Variants in TRPC3 observed in about 807,000 individuals in gnomAD.
TRPC3 encodes short transient receptor potential channel 3.
TRPC3 carries 54 observed loss-of-function variants against 90.9 expected under a neutral mutation model. The observed-to-expected ratio is 0.59, with a 90% CI of 0.48 to 0.75. The LOEUF (loss-of-function observed/expected upper bound fraction) is 0.75, where lower values mean the gene tolerates loss of function less well. Among genes scored for constraint, TRPC3 ranks in the 30% least tolerant of loss-of-function variants. TRPC3 has a pLI of 0.00. For missense variants in TRPC3, 918 were observed against 1,194.5 expected, an observed-to-expected ratio of 0.77 and a Z score of 3.41; for synonymous variants, 424 against 450.9, an observed-to-expected ratio of 0.94 and a Z score of 0.75.
At chr4:121,899,488 C>T in intron 10 of TRPC3, 124 bp downstream of exon 10, 2 of 666,492 alleles carry the variant, frequency 3.0e-6, no homozygotes, top group Non-Finnish European at 2.4e-6. Context: ...TTGTTCTGAA[C>T]TATCCTCATG....
intron 4 of TRPC3, among the ~76,000 whole-genome samples, chr4:121,913,715 A>G (rs1459293841): frequency 6.6e-6 from 1 of 152,158 alleles, no homozygotes; most frequent in African/African-American, 2.4e-5. Flanking sequence ...GTATTTGAAG[A>G]ATCTTAAAGT....
chr4:121,931,556 T>A (rs112695120), intron 2 of TRPC3, among the ~76,000 whole-genome samples: 130 of 97,212 alleles, frequency 1.3e-3, no homozygotes, highest in African/African-American at 5.1e-3. Flanking sequence ...AAAGTTCACT[T>A]ATTAAAAAAA....
At position 121,941,703 on chromosome 4, in the gene TRPC3, C is replaced by T. The variant is rs182587971; in HGVS notation, c.216-8661G>A. 3.3e-3 allele frequency among the ~76,000 whole-genome samples: 497 copies of T among 152,308 alleles called. 15 individuals carry two copies. Among genetic ancestry groups the T allele is most frequent in the Admixed American group, 0.026 (397 of 15,300 alleles). On this transcript the variant is annotated intron_variant, in intron 1 of 11. Transcript: ENST00000379645. ...GGCACCTGTCAGTCAATGTGGCTAC[C>T]TCTGGAGACATCTGACATTTACACA... is the stretch of plus-strand genomic sequence containing the variant.
In TRPC3 at chr4:121,951,205, G is replaced by C. The variant is rs1472296870; in HGVS notation, c.215+261C>G. On this transcript the variant is annotated intron_variant, in intron 1 of 11. Coordinates refer to ENST00000379645, the MANE Select transcript of TRPC3 (RefSeq NM_001130698.2). This position sits in a 1 kb window ranked among gnomAD's most constrained non-coding sequence, Gnocchi z 4.4. ...CTGAAGTCAGTGTGCCCGCCTGCGG[G>C]CTGTTCCGTGTGCTTGAGCCTGGAC... is the stretch of plus-strand genomic sequence containing the variant. 6.6e-6 allele frequency among the ~76,000 whole-genome samples: 1 copy of C among 152,178 alleles called. No homozygotes were observed. The highest frequency in any genetic ancestry group is 2.4e-5 in the African/African-American group (1 of 41,452).
At chr4:121,890,156 T>G (rs1728274294) in intron 10 of TRPC3, among the ~76,000 whole-genome samples, 1 of 152,012 alleles carries the variant, frequency 6.6e-6, no homozygotes, top group Non-Finnish European at 1.5e-5. Flanking sequence ...CTACCAGAAG[T>G]TGGAGAGGGC....
chr4:121,907,373 C>CA lies in TRPC3; in HGVS notation c.1986dup (p.Ala663CysfsTer17). On this transcript the variant is annotated frameshift_variant, in exon 7 of 12. Coordinates refer to ENST00000379645, the MANE Select transcript of TRPC3 (RefSeq NM_001130698.2). LOFTEE classifies it high-confidence loss of function. ...AGTATGAACATGCCAATCATAAAGG[C>CA]AAAAAACACCATAATAAAGAGGACC... 1 of 1,613,232 alleles carries CA rather than the reference C, an allele frequency of 6.2e-7. No individual in the cohort carries two copies. Among genetic ancestry groups the CA allele is most frequent in the South Asian group, 1.1e-5 (1 of 91,044 alleles).
intron 10 of TRPC3, among the ~76,000 whole-genome samples, chr4:121,891,538 C>A (rs1728329502): frequency 6.6e-6 from 1 of 152,128 alleles, no homozygotes; most frequent in African/African-American, 2.4e-5. Flanking sequence ...TTATTTTGAG[C>A]TAAAGGCAAT....
At chr4:121,915,665 C>G (rs1729284698) in intron 3 of TRPC3, among the ~76,000 whole-genome samples, 1 of 152,232 alleles carries the variant, frequency 6.6e-6, no homozygotes, top group South Asian at 2.1e-4. Context: ...GAAAAATGAG[C>G]AAATTATACT....
intron 6 of TRPC3, 28 bp downstream of exon 6, chr4:121,910,126 C>T (rs1507993): frequency 0.34 from 546,486 of 1,595,502 alleles, 95,115 homozygotes; most frequent in East Asian, 0.48. Flanking sequence ...TCCCAAAACA[C>T]AAGGGGACCC....
intron 1 of TRPC3, among the ~76,000 whole-genome samples, chr4:121,946,498 G>C (rs1349368129): frequency 6.6e-6 from 1 of 152,158 alleles, no homozygotes; most frequent in East Asian, 1.9e-4. Flanking sequence ...TGACTTAGCG[G>C]TGAACAATGA....
intron 10 of TRPC3, among the ~76,000 whole-genome samples, chr4:121,890,180 A>C (rs1176150604): frequency 6.6e-6 from 1 of 152,180 alleles, no homozygotes; most frequent in East Asian, 1.9e-4. Context: ...GGGAATGGGA[A>C]GTAGGGAGAA....
intron 3 of TRPC3, among the ~76,000 whole-genome samples, chr4:121,920,991 C>T (rs556556637): frequency 1.3e-5 from 2 of 152,264 alleles, no homozygotes; most frequent in South Asian, 2.1e-4. Context: ...GAGATTTCTT[C>T]GCTTTTATAT....
intron 1 of TRPC3, among the ~76,000 whole-genome samples, chr4:121,942,134 C>T (rs1730340311): frequency 6.6e-6 from 1 of 152,202 alleles, no homozygotes; most frequent in Admixed American, 6.5e-5. Context: ...CGCCCTGACA[C>T]ACACACATAA....
intron 10 of TRPC3, among the ~76,000 whole-genome samples, chr4:121,893,911 A>G (rs1728419708): frequency 6.6e-6 from 1 of 152,216 alleles, no homozygotes; most frequent in Non-Finnish European, 1.5e-5. Flanking sequence ...ATTTTAACCT[A>G]TCTGGTGAAG....
chr4:121,899,250 G>A (rs372210708), intron 10 of TRPC3, among the ~76,000 whole-genome samples: 4 of 152,118 alleles, frequency 2.6e-5, no homozygotes, highest in East Asian at 3.8e-4. Context: ...TGCCATGGGA[G>A]CATTATTCAT....
chr4:121,947,992 A>G (rs79446430), intron 1 of TRPC3, among the ~76,000 whole-genome samples: 480 of 152,232 alleles, frequency 3.2e-3, no homozygotes, highest in Admixed American at 6.6e-3. Context: ...CCTCTAAACA[A>G]AAGCTTTTTC....
At chr4:121,880,030 A>T in intron 11 of TRPC3, 152 bp from the exon 12 acceptor site, 1 of 654,058 alleles carries the variant, frequency 1.5e-6, no homozygotes, top group Non-Finnish European at 2.4e-6. Context: ...TTTAAGAAAC[A>T]TCTGTCTTTA....
intron 3 of TRPC3, among the ~76,000 whole-genome samples, chr4:121,921,321 G>C (rs2149133159): frequency 6.6e-6 from 1 of 151,848 alleles, no homozygotes; most frequent in South Asian, 2.1e-4. Flanking sequence ...AGGAGATCGA[G>C]ACCATCCCGG....
At chr4:121,905,081 C>A (rs989119944) in intron 7 of TRPC3, among the ~76,000 whole-genome samples, 5 of 151,862 alleles carry the variant, frequency 3.3e-5, no homozygotes, top group African/African-American at 1.2e-4. Flanking sequence ...ACAGATCGAG[C>A]TTTGTGTGTT....
Sources: gnomAD v4.1 joint callset for allele counts (sites outside exome capture counted in the v4.1 genomes callset) on GRCh38, gnomAD v4.1.1 for gene constraint, Gnocchi (gnomAD v3.1) non-coding constraint, MANE v1.5 for transcripts, NCBI Gene and HGNC (gene_info 2026-07-23, HGNC 2026-07-21) for gene names.